The following SMIM43 variants were observed in gnomAD, a reference collection of about 807,000 sequenced individuals.
SMIM43 encodes small integral membrane protein 43.
At chr4:121,761,356 A>G (rs1156614295) in intron 5 of SMIM43, among the ~76,000 whole-genome samples, 182 bp downstream of exon 5, 1 of 152,222 alleles carries the variant, frequency 6.6e-6, no homozygotes, top group Non-Finnish European at 1.5e-5. Flanking sequence ...TCTCTAGATT[A>G]GTAAGTGTGA....
intron 5 of SMIM43, 80 bp from the exon 6 acceptor site, chr4:121,760,554 A>G (rs1726005836): frequency 6.9e-7 from 1 of 1,443,772 alleles, no homozygotes; most frequent in Non-Finnish European, 9.1e-7. Context: ...CAGCACCAGC[A>G]GCTGCCTGCC....
chr4:121,763,558 A>G (rs931236226), intron 2 of SMIM43, among the ~76,000 whole-genome samples: 1 of 152,134 alleles, frequency 6.6e-6, no homozygotes, highest in Non-Finnish European at 1.5e-5. Flanking sequence ...ACAATCCTCT[A>G]CTAAGACACT....
Position 121,765,109 on chromosome 4 carries a change from G to C in SMIM43, c.-4C>G. ...GCAAGTTGAGTTCCCACTCCATGCT[G>C]GAGGCGCCGGCGCTCGCTGGCCCTG... On this transcript the variant is annotated 5_prime_UTR_variant, in exon 1 of 6. Transcript: ENST00000643802. The C allele has an allele frequency of 2.5e-6, 1 of 397,284 alleles. No homozygotes were observed. The allele number at this position is 397,284 out of a possible 1,614,324, so 24.6% of individuals were successfully genotyped here.
chr4:121,761,976 A>G (rs1352584835), intron 3 of SMIM43, 84 bp from the exon 4 acceptor site: 5 of 1,196,978 alleles, frequency 4.2e-6, no homozygotes, highest in South Asian at 1.5e-5. Context: ...TCATTTCCTT[A>G]TAATGTAAGA....
At position 121,764,947 on chromosome 4, in the gene SMIM43, C is replaced by T. The variant is rs1726275859; in HGVS notation, c.159G>A (p.Glu53=). The part of the protein sequence containing the change: ...LQPGRLSVHR[E]PWGFSREQAV ...CTTGCTCTCGGGAGAAGCCCCAAGG[C>T]TCGCGGTGCACCGAGAGGCGCCCGG... Residue 53 remains glutamate, a synonymous_variant, in exon 1 of 6, where the codon GAG becomes GAA. Transcript: ENST00000643802. 1 of 398,580 alleles carries T rather than the reference C, an allele frequency of 2.5e-6. No individual in the cohort carries two copies. Among genetic ancestry groups the T allele is most frequent in the Non-Finnish European group, 4.4e-6 (1 of 225,720 alleles). The allele number at this position is 398,580 out of a possible 1,614,324, so 24.7% of individuals were successfully genotyped here. A position where few individuals can be genotyped will look rare whatever the true frequency, so the allele number is the denominator to read the frequency against.
intron 4 of SMIM43, 24 bp from the exon 5 acceptor site, chr4:121,761,719 GA>G (rs779237069): frequency 6.2e-7 from 1 of 1,610,990 alleles, no homozygotes; most frequent in South Asian, 1.1e-5. Flanking sequence ...TCAGACATAG[GA>G]ATCTACTTTA....
intron 5 of SMIM43, 142 bp from the exon 6 acceptor site, chr4:121,760,616 C>G: frequency 1.5e-6 from 2 of 1,325,862 alleles, no homozygotes; most frequent in Non-Finnish European, 1.9e-6. Flanking sequence ...TTTATTTAAG[C>G]CGCTCTTCAG....
Position 121,761,716 on chromosome 4 carries a change from T to C in SMIM43, c.*342-21A>G. On this transcript the variant is annotated intron_variant, in intron 4 of 5. Coordinates refer to ENST00000643802, the MANE Select transcript of SMIM43 (RefSeq NM_001384332.1). ...GTGCCCTAAAATTGAAGTTCAGACA[T>C]AGGAATCTACTTTATTAGACATTTT... The C allele has an allele frequency of 1.9e-6, 3 of 1,611,158 alleles. No homozygotes were observed. In the African/African-American group the frequency reaches 4.0e-5, roughly 22 times the overall value.
At chr4:121,760,548 ACCAGCAGCTG>A in intron 5 of SMIM43, 74 bp from the exon 6 acceptor site, 1 of 1,445,100 alleles carries the variant, frequency 6.9e-7, no homozygotes, top group Non-Finnish European at 9.1e-7. Context: ...CTGAACCAGC[ACCAGCAGCTG>A]CCTGCCTCTA....
intron 5 of SMIM43, among the ~76,000 whole-genome samples, 157 bp downstream of exon 5, chr4:121,761,381 A>G (rs1726052641): frequency 2.0e-5 from 3 of 152,204 alleles, no homozygotes; most frequent in Admixed American, 2.0e-4. Context: ...GAAAACAACA[A>G]ACATTTCCCA....
At position 121,760,154 on chromosome 4, in the gene SMIM43, C is replaced by T; in HGVS notation, c.*820G>A. 7.5e-7 allele frequency: 1 copy of T among 1,329,814 alleles called. No individual in the cohort carries two copies. Among genetic ancestry groups the T allele is most frequent in the Non-Finnish European group, 1.0e-6 (1 of 984,686 alleles). The allele number at this position is 1,329,814 out of a possible 1,614,324, so 82.4% of individuals were successfully genotyped here. On this transcript the variant is annotated 3_prime_UTR_variant, in exon 6 of 6. Transcript: ENST00000643802. Reference sequence around the variant, plus strand: ...AGTTTTGATCTTTTTGAACTTTATGCTCCTCTGCAACTGTATTCTGTAGCC... The same window carrying T: ...AGTTTTGATCTTTTTGAACTTTATGTTCCTCTGCAACTGTATTCTGTAGCC...
intron 5 of SMIM43, among the ~76,000 whole-genome samples, chr4:121,760,918 C>T (rs1578475754): frequency 6.6e-6 from 1 of 152,048 alleles, no homozygotes; most frequent in Non-Finnish European, 1.5e-5. Context: ...TTTTTTTAAC[C>T]TTAATCCATC....
chr4:121,761,675 T>A lies in SMIM43; in HGVS notation c.*362A>T, dbSNP rs142074768. Reference sequence around the variant, plus strand: ...GTAGAATCGCACCAGATGGCATCAGTTCTGCATCTACAGCTGTGCCCTAAA... The same window carrying A: ...GTAGAATCGCACCAGATGGCATCAGATCTGCATCTACAGCTGTGCCCTAAA... On this transcript the variant is annotated 3_prime_UTR_variant, in exon 5 of 6. Transcript: ENST00000643802. 427 of 1,613,514 alleles carry A rather than the reference T, an allele frequency of 2.6e-4. 1 individual carries two copies. Among genetic ancestry groups the A allele is most frequent in the Admixed American group, 6.3e-4 (38 of 59,898 alleles).
Position 121,765,046 on chromosome 4 carries a change from T to A in SMIM43, c.60A>T (p.Leu20Phe). 1 of 398,054 alleles carries A rather than the reference T, an allele frequency of 2.5e-6. No homozygotes were observed. The highest frequency in any genetic ancestry group is 4.4e-6 in the Non-Finnish European group (1 of 225,616). The allele number at this position is 398,054 out of a possible 1,614,324, so 24.7% of individuals were successfully genotyped here. A position where few individuals can be genotyped will look rare whatever the true frequency, so the allele number is the denominator to read the frequency against. Residue 20 changes from leucine (L) to phenylalanine (F), a missense_variant, in exon 1 of 6, where the codon TTA becomes TTT. Physicochemically the swap from Leu to Phe is conservative, Grantham distance 22 (BLOSUM62 0). Transcript: ENST00000643802. ...YLALFFFLLF[L>F]LFLLLFVVIK... ...TGACCACGAAGAGCAGGAGGAAAAGTAAGAAGAGCAGGAAGAAGAAGAGCG... is the reference window on the plus strand; with the variant it reads ...TGACCACGAAGAGCAGGAGGAAAAGAAAGAAGAGCAGGAAGAAGAAGAGCG...
At chr4:121,764,163 T>C (rs1340750557) in intron 1 of SMIM43, 1 of 152,272 alleles carries the variant, frequency 6.6e-6, no homozygotes, top group Non-Finnish European at 1.5e-5. Context: ...CAAATGACTC[T>C]CACTGTAACG....
intron 5 of SMIM43, 130 bp from the exon 6 acceptor site, chr4:121,760,604 A>G: frequency 7.4e-7 from 1 of 1,348,912 alleles, no homozygotes; most frequent in Non-Finnish European, 9.6e-7. Flanking sequence ...CAAACCCTCT[A>G]ATTTATTTAA....
At chr4:121,762,960 C>A (rs1306886264) in intron 2 of SMIM43, among the ~76,000 whole-genome samples, 162 bp from the exon 3 acceptor site, 1 of 152,208 alleles carries the variant, frequency 6.6e-6, no homozygotes. Context: ...TCCATATTAA[C>A]CATACAACCT....
In SMIM43 at chr4:121,760,218, T is replaced by C. The variant is rs4342205; in HGVS notation, c.*756A>G. On this transcript the variant is annotated 3_prime_UTR_variant, in exon 6 of 6. Coordinates refer to ENST00000643802, the MANE Select transcript of SMIM43 (RefSeq NM_001384332.1). ...TTAGTTGTCCTCCCAAGATCCACCATCATCTTCTTCTTCATCAAGAGAAAC... is the reference window on the plus strand; with the variant it reads ...TTAGTTGTCCTCCCAAGATCCACCACCATCTTCTTCTTCATCAAGAGAAAC... 1,314,337 of 1,529,938 alleles carry C rather than the reference T, an allele frequency of 0.86. 565,296 individuals carry two copies. The highest frequency in any genetic ancestry group is 0.97 in the African/African-American group (69,819 of 72,134). The allele number at this position is 1,529,938 out of a possible 1,614,324, so 94.8% of individuals were successfully genotyped here.
rs376372620 is a variant in SMIM43 at position 121,758,940 on chromosome 4, C to G, written c.*2034G>C. The G allele has an allele frequency of 6.6e-6, 1 of 152,108 alleles. No homozygotes were observed. The highest frequency in any genetic ancestry group is 2.1e-4 in the South Asian group (1 of 4,828). The allele number at this position is 152,108 out of a possible 1,614,324, so 9.4% of individuals were successfully genotyped here. A position where few individuals can be genotyped will look rare whatever the true frequency, so the allele number is the denominator to read the frequency against. ...AAAAGCCACATTAAAAACTGTGTTA[C>G]GTATAGTTTATTTTTATTTCATAGC... On this transcript the variant is annotated 3_prime_UTR_variant, in exon 6 of 6. Coordinates refer to ENST00000643802, the MANE Select transcript of SMIM43 (RefSeq NM_001384332.1).
Sources: gnomAD v4.1 joint callset for allele counts (sites outside exome capture counted in the v4.1 genomes callset) on GRCh38, gnomAD v4.1.1 for gene constraint, MANE v1.5 for transcripts, NCBI Gene and HGNC (gene_info 2026-07-23, HGNC 2026-07-21) for gene names.